METTL15: variants seen among roughly 807,000 people sequenced by gnomAD.
METTL15 encodes the protein methyltransferase 15, mitochondrial 12S rRNA N4-cytidine.
A neutral mutation model predicts 38.3 loss-of-function variants in METTL15; 34 were observed. The ratio of observed to expected loss-of-function variants is 0.89; its 90% CI spans 0.68 to 1.18. The LOEUF (loss-of-function observed/expected upper bound fraction) is 1.18, where lower values mean the gene tolerates loss of function less well. Ranked by LOEUF, METTL15 falls within the 50% of genes most tolerant of loss-of-function variation. The pLI is 0.00. For missense variants in METTL15, 438 were observed against 498.4 expected, an observed-to-expected ratio of 0.88 and a Z score of 1.15; for synonymous variants, 162 against 170.9, an observed-to-expected ratio of 0.95 and a Z score of 0.41.
At chr11:28,503,382 C>A (rs1851600421) in intron 6 of METTL15, among the ~76,000 whole-genome samples, 1 of 152,204 alleles carries the variant, frequency 6.6e-6, no homozygotes. Flanking sequence ...ACATAGCTAA[C>A]TTTATTCTTA....
intron 3 of METTL15, among the ~76,000 whole-genome samples, chr11:28,126,347 C>T (rs960044200): frequency 2.0e-5 from 3 of 152,026 alleles, no homozygotes; most frequent in Admixed American, 2.0e-4. Flanking sequence ...TCTTAACTGT[C>T]TGCCCCTTCC....
chr11:28,373,706 T>C (rs1850272499), intron 5 of METTL15, among the ~76,000 whole-genome samples: 1 of 152,240 alleles, frequency 6.6e-6, no homozygotes, highest in African/African-American at 2.4e-5. Context: ...TTTGTTGCCA[T>C]TGCTTTTGGT....
chr11:28,278,517 G>C (rs1855926719), intron 4 of METTL15, among the ~76,000 whole-genome samples: 1 of 152,072 alleles, frequency 6.6e-6, no homozygotes, highest in African/African-American at 2.4e-5. Flanking sequence ...ATTTCTTTTA[G>C]TATCAGATAT....
chr11:28,475,357 A>C (rs1157047242), intron 6 of METTL15, among the ~76,000 whole-genome samples: 2 of 118,422 alleles, frequency 1.7e-5, no homozygotes, highest in African/African-American at 6.6e-5. Context: ...TTTAATATTC[A>C]GGTAGCATAG....
chr11:28,467,350 A>C (rs898795924), intron 6 of METTL15, among the ~76,000 whole-genome samples: 1 of 152,226 alleles, frequency 6.6e-6, no homozygotes, highest in Admixed American at 6.5e-5. Context: ...ATCAAGCTGC[A>C]TAACACCTCC....
intron 6 of METTL15, among the ~76,000 whole-genome samples, chr11:28,445,205 C>T (rs1851065417): frequency 6.6e-6 from 1 of 152,154 alleles, no homozygotes; most frequent in Admixed American, 6.5e-5. Context: ...TTAACGTCCA[C>T]TTTTAAAAAC....
intron 2 of METTL15, among the ~76,000 whole-genome samples, chr11:28,113,010 T>G (rs1482439614): frequency 6.6e-6 from 1 of 152,182 alleles, no homozygotes; most frequent in African/African-American, 2.4e-5. Flanking sequence ...GTATGTTTCA[T>G]AAAAATGTTG....
At chr11:28,256,550 T>C (rs765104880) in intron 4 of METTL15, among the ~76,000 whole-genome samples, 1 of 152,126 alleles carries the variant, frequency 6.6e-6, no homozygotes, top group Non-Finnish European at 1.5e-5. Context: ...AGTTATAGTG[T>C]CTCCTTTTTC....
At chr11:28,514,758 A>T (rs1851705578) in intron 6 of METTL15, among the ~76,000 whole-genome samples, 2 of 152,210 alleles carry the variant, frequency 1.3e-5, no homozygotes, top group Admixed American at 1.3e-4. Flanking sequence ...CTAGGCTGAG[A>T]TAGCTTTGTA....
chr11:28,229,100 A>G (rs1048489009), intron 4 of METTL15, among the ~76,000 whole-genome samples: 9 of 151,990 alleles, frequency 5.9e-5, no homozygotes, highest in African/African-American at 2.2e-4. Context: ...GATGTTATGA[A>G]TATTAAATAA....
chr11:28,356,696 A>G (rs1282443532), intron 4 of METTL15, among the ~76,000 whole-genome samples: 2 of 152,230 alleles, frequency 1.3e-5, no homozygotes, highest in Non-Finnish European at 2.9e-5. Flanking sequence ...CAGATGAACC[A>G]TGCCAAACCA....
rs143612975 is a variant in METTL15, at chr11:28,300,133, G to A, written c.778+3202G>A. On this transcript the variant is annotated intron_variant, in intron 6 of 6. Coordinates refer to ENST00000407364, the MANE Select transcript of METTL15 (RefSeq NM_001113528.2). ...TGTGCTACGTAGACATGAATTGTGG[G>A]GGACTCTATAAACCCAGTACAATTC... is the stretch of plus-strand genomic sequence containing the variant. 3.3e-5 allele frequency among the ~76,000 whole-genome samples: 5 copies of A among 152,082 alleles called. No individual in the cohort carries two copies. The East Asian group carries it at 9.7e-4, about 30-fold the overall frequency.
intron 6 of METTL15, among the ~76,000 whole-genome samples, chr11:28,433,579 G>T (rs1850955536): frequency 6.6e-6 from 1 of 152,096 alleles, no homozygotes; most frequent in Admixed American, 6.6e-5. Context: ...TTAGTTCACT[G>T]CCTGACATGT....
At chr11:28,455,182 T>C (rs1043973712) in intron 6 of METTL15, among the ~76,000 whole-genome samples, 4 of 151,180 alleles carry the variant, frequency 2.6e-5, no homozygotes, top group African/African-American at 9.7e-5. Context: ...CAACTGACTG[T>C]ATATATAACT....
chr11:28,276,522 A>G (rs1855849063), intron 4 of METTL15, among the ~76,000 whole-genome samples: 2 of 152,186 alleles, frequency 1.3e-5, no homozygotes, highest in South Asian at 4.1e-4. Context: ...GCCCAAAGCA[A>G]TCTACAGATT....
At chr11:28,499,833 A>T (rs1851567842) in intron 6 of METTL15, among the ~76,000 whole-genome samples, 2 of 152,182 alleles carry the variant, frequency 1.3e-5, no homozygotes, top group Non-Finnish European at 2.9e-5. Flanking sequence ...TAGACCTTCA[A>T]CAGTCATAAG....
chr11:28,366,839 C>A (rs1850190751), intron 5 of METTL15, among the ~76,000 whole-genome samples: 1 of 152,048 alleles, frequency 6.6e-6, no homozygotes, highest in Non-Finnish European at 1.5e-5. Context: ...TCATTCCTCC[C>A]CAGAGACCCT....
At chr11:28,371,934 A>G (rs966537460) in intron 5 of METTL15, among the ~76,000 whole-genome samples, 5 of 152,080 alleles carry the variant, frequency 3.3e-5, no homozygotes, top group African/African-American at 1.2e-4. Context: ...TTATTTTCAT[A>G]TAAGGATAAT....
chr11:28,334,845 T>C (rs1430105119), downstream of METTL15, among the ~76,000 whole-genome samples: 1 of 152,174 alleles, frequency 6.6e-6, no homozygotes, highest in Non-Finnish European at 1.5e-5. Context: ...ACAATGGTCA[T>C]AATTTATAAT....
Sources: allele counts gnomAD v4.1 joint callset (sites outside exome capture counted in the v4.1 genomes callset), GRCh38; gene constraint gnomAD v4.1.1; transcripts MANE v1.5; gene names NCBI Gene and HGNC (gene_info 2026-07-23, HGNC 2026-07-21).